Variants in MAGI2 observed in about 807,000 individuals in gnomAD.
The protein encoded by MAGI2 is membrane-associated guanylate kinase, WW and PDZ domain-containing protein 2.
In MAGI2, 35 loss-of-function variants were observed where a neutral mutation model predicts 133.3. The ratio of observed to expected loss-of-function variants is 0.26; its 90% CI spans 0.20 to 0.35. The LOEUF (loss-of-function observed/expected upper bound fraction) is 0.35. MAGI2 is among the 10% of genes least tolerant of loss of function. The probability of loss-of-function intolerance (pLI) is 1.00; values close to 1 mark genes in which losing one functional copy is unlikely to be tolerated. For synonymous variants in MAGI2, 729 were observed against 710.6 expected (o/e 1.03, Z -0.41); for missense variants, 1,636 against 1,863.4 (o/e 0.88, Z 2.25).
chr7:78,547,713 A>G (rs931271682), intron 3 of MAGI2, among the ~76,000 whole-genome samples: 1 of 152,248 alleles, frequency 6.6e-6, no homozygotes, highest in Non-Finnish European at 1.5e-5. Flanking sequence ...CATAATGTGC[A>G]CATCTTTGCA....
intron 1 of MAGI2, among the ~76,000 whole-genome samples, chr7:79,035,335 G>A (rs1236816095): frequency 6.6e-6 from 1 of 152,104 alleles, no homozygotes; most frequent in Non-Finnish European, 1.5e-5. Context: ...TATTTGAAAT[G>A]AAAAGCAGTG....
intron 4 of MAGI2, among the ~76,000 whole-genome samples, chr7:78,506,700 G>A (rs112992645): frequency 7.9e-5 from 12 of 152,242 alleles, no homozygotes; most frequent in Non-Finnish European, 1.5e-4. Flanking sequence ...CTGTAGAACC[G>A]AATGATGTGC....
intron 5 of MAGI2, among the ~76,000 whole-genome samples, chr7:78,499,268 T>C (rs747194137): frequency 1.1e-4 from 17 of 152,216 alleles, no homozygotes; most frequent in Non-Finnish European, 2.5e-4. Flanking sequence ...TATCTAGCCA[T>C]TGTTAACTTC....
intron 1 of MAGI2, among the ~76,000 whole-genome samples, chr7:79,234,590 T>C (rs1831703927): frequency 6.6e-6 from 1 of 152,138 alleles, no homozygotes; most frequent in African/African-American, 2.4e-5. Context: ...TCGCATCGGC[T>C]CCTGAGGCTT....
At chr7:78,878,098 G>GA (rs1274033465) in intron 2 of MAGI2, among the ~76,000 whole-genome samples, 1 of 152,154 alleles carries the variant, frequency 6.6e-6, no homozygotes, top group Non-Finnish European at 1.5e-5. Context: ...AAGTCATGGT[G>GA]AAAATCAAGT....
chr7:78,093,307 A>C (rs1192588128), intron 20 of MAGI2, among the ~76,000 whole-genome samples: 1 of 151,614 alleles, frequency 6.6e-6, no homozygotes, highest in African/African-American at 2.4e-5. Context: ...AAAATGTAAA[A>C]AAAAATCATG....
chr7:78,287,467 A>G (rs535589506), intron 9 of MAGI2, among the ~76,000 whole-genome samples: 31 of 152,296 alleles, frequency 2.0e-4, no homozygotes, highest in African/African-American at 6.7e-4. Flanking sequence ...CATGTAGACA[A>G]TGAAGGAGGT....
At chr7:79,186,844 C>T (rs1425565706) in intron 1 of MAGI2, among the ~76,000 whole-genome samples, 6 of 145,634 alleles carry the variant, frequency 4.1e-5, no homozygotes, top group Admixed American at 2.1e-4. Flanking sequence ...TCAATTGAAA[C>T]GACTTAATAT....
At chr7:78,146,353 G>A (rs945038602) in intron 16 of MAGI2, among the ~76,000 whole-genome samples, 2 of 149,686 alleles carry the variant, frequency 1.3e-5, no homozygotes, top group Non-Finnish European at 3.0e-5. Context: ...GAGACCCCAA[G>A]TAGTTATAAT....
At position 79,001,190 on chromosome 7, in the gene MAGI2, C is replaced by T. The variant is rs775118570; in HGVS notation, c.418+5900G>A. Among the ~76,000 whole-genome samples, 242 of 152,338 alleles carry T rather than the reference C, an allele frequency of 1.6e-3. 1 individual carries two copies. Among genetic ancestry groups the T allele is most frequent in the Non-Finnish European group, 2.2e-3 (153 of 68,034 alleles). On this transcript the variant is annotated intron_variant, in intron 2 of 21. Coordinates refer to ENST00000354212, the MANE Select transcript of MAGI2 (RefSeq NM_012301.4). ...TCGGCCTCCCAAAGTGCTGGGATTA[C>T]AGGCGTGAGCCACCATGCCCGGCCA...
At chr7:78,774,641 C>A (rs773144762) in intron 2 of MAGI2, among the ~76,000 whole-genome samples, 2 of 152,134 alleles carry the variant, frequency 1.3e-5, no homozygotes, top group African/African-American at 4.8e-5. Flanking sequence ...TCAGTTATAG[C>A]CAGAGTGTCT....
At chr7:78,762,275 C>G (rs1033003895) in intron 2 of MAGI2, among the ~76,000 whole-genome samples, 4 of 151,846 alleles carry the variant, frequency 2.6e-5, no homozygotes, top group Non-Finnish European at 4.4e-5. Flanking sequence ...AAAACCCCAT[C>G]CCTACTAAAA....
intron 11 of MAGI2, among the ~76,000 whole-genome samples, chr7:78,199,981 A>C (rs2150754787): frequency 6.6e-6 from 1 of 152,376 alleles, no homozygotes; most frequent in East Asian, 1.9e-4. Flanking sequence ...GCACAGATTT[A>C]AGTTTGGTGG....
chr7:78,588,016 G>T (rs1415256762), intron 3 of MAGI2, among the ~76,000 whole-genome samples: 1 of 152,184 alleles, frequency 6.6e-6, no homozygotes, highest in Non-Finnish European at 1.5e-5. Context: ...TTTACTGGCT[G>T]TGTGTGACTC....
intron 9 of MAGI2, among the ~76,000 whole-genome samples, chr7:78,277,538 T>G (rs1795168887): frequency 6.6e-6 from 1 of 152,096 alleles, no homozygotes; most frequent in African/African-American, 2.4e-5. Context: ...GCAGCAAGTT[T>G]TAGAAAATGG....
At chr7:78,145,756 A>G (rs1449377586) in intron 16 of MAGI2, among the ~76,000 whole-genome samples, 1 of 152,192 alleles carries the variant, frequency 6.6e-6, no homozygotes, top group Non-Finnish European at 1.5e-5. Context: ...GTATTCCACT[A>G]TAACAGCACA....
intron 1 of MAGI2, among the ~76,000 whole-genome samples, chr7:79,337,853 T>C (rs1050681376): frequency 3.9e-5 from 6 of 152,210 alleles, no homozygotes; most frequent in Admixed American, 3.9e-4. Flanking sequence ...CCCTTAATTG[T>C]GATGTGGTGT....
intron 1 of MAGI2, among the ~76,000 whole-genome samples, chr7:79,053,960 GCT>G (rs1812909602): frequency 1.3e-5 from 2 of 152,154 alleles, no homozygotes; most frequent in Non-Finnish European, 2.9e-5. Flanking sequence ...ACTTTAGGAG[GCT>G]GAGGTGGGTG....
chr7:78,180,055 T>C (rs920758458), intron 13 of MAGI2, among the ~76,000 whole-genome samples: 5 of 152,154 alleles, frequency 3.3e-5, no homozygotes, highest in African/African-American at 1.2e-4. Context: ...CTTCTACAAG[T>C]TGAGGATAAT....
Sources: gnomAD v4.1 joint callset for allele counts (sites outside exome capture counted in the v4.1 genomes callset) on GRCh38, gnomAD v4.1.1 for gene constraint, MANE v1.5 for transcripts, NCBI Gene and HGNC (gene_info 2026-07-23, HGNC 2026-07-21) for gene names.